C2CD4D: variants seen among roughly 807,000 people sequenced by gnomAD.
The protein encoded by C2CD4D is C2 calcium-dependent domain-containing protein 4D.
In C2CD4D, 1 loss-of-function variant was observed where a neutral mutation model predicts 0.2. The ratio of observed to expected loss-of-function variants is 4.00; its 90% confidence interval spans 1.42 to 18.99. C2CD4D has a LOEUF of 18.99. Ranked by LOEUF, C2CD4D falls within the 30% of genes most tolerant of loss-of-function variation. The probability of loss-of-function intolerance (pLI) is 0.11; values close to 1 mark genes in which losing one functional copy is unlikely to be tolerated. For missense variants in C2CD4D, 552 were observed against 551.2 expected (o/e 1.00, Z -0.01); for synonymous variants, 269 against 279.8 (o/e 0.96, Z 0.39).
chr1:151,839,270 A>C, intron 1 of C2CD4D, 50 bp from the exon 2 acceptor site: 1 of 480,364 alleles, frequency 2.1e-6, no homozygotes, highest in Non-Finnish European at 3.7e-6. Context: ...ATTTTCATAT[A>C]CGGGCCTCCG....
At chr1:151,838,954 C>T in exon 2 of C2CD4D, 1 of 1,550,174 alleles carries the variant, frequency 6.5e-7, no homozygotes, top group South Asian at 1.2e-5. Flanking sequence ...GCTCCGCGGC[C>T]CCCACCTTAT....
At chr1:151,839,603 C>T (rs1292235045) in intron 1 of C2CD4D, among the ~76,000 whole-genome samples, 61 bp downstream of exon 1, 1 of 152,144 alleles carries the variant, frequency 6.6e-6, no homozygotes, top group African/African-American at 2.4e-5. Flanking sequence ...CCTAGCCCCA[C>T]CTGCCTCCTC....
chr1:151,838,201 C>G, exon 2 of C2CD4D: 1 of 1,548,784 alleles, frequency 6.5e-7, no homozygotes, highest in Non-Finnish European at 8.7e-7. Flanking sequence ...GGGGCCGCAG[C>G]CTCAGCACCA....
At chr1:151,839,070 G>T in exon 2 of C2CD4D, 1 of 1,477,190 alleles carries the variant, frequency 6.8e-7, no homozygotes, top group Non-Finnish European at 9.1e-7. Flanking sequence ...GTGCTCGGCG[G>T]AGCGGGGCTG....
chr1:151,839,589 C>T (rs1445674345), intron 1 of C2CD4D, among the ~76,000 whole-genome samples, 75 bp downstream of exon 1: 1 of 152,158 alleles, frequency 6.6e-6, no homozygotes, highest in Non-Finnish European at 1.5e-5. Flanking sequence ...AGCCATCCCT[C>T]AGTCCTAGCC....
exon 2 of C2CD4D, chr1:151,839,001 G>T: frequency 6.5e-7 from 1 of 1,548,966 alleles, no homozygotes; most frequent in Non-Finnish European, 8.7e-7. Context: ...CGGTGGGTGG[G>T]GTAATGGAAT....
exon 2 of C2CD4D, chr1:151,838,965 A>G (rs972717365): frequency 6.5e-7 from 1 of 1,550,184 alleles, no homozygotes; most frequent in African/African-American, 1.4e-5. Context: ...CCCACCTTAT[A>G]GCCAGCTTTT....
Position 151,839,833 on chromosome 1 carries a change from C to A in C2CD4D, c.-232+370G>T, listed in dbSNP as rs988312737. On this transcript the variant is annotated intron_variant, in intron 1 of 1. Transcript: ENST00000454109. The stretch of plus-strand genomic sequence containing the variant: ...GCATCCCGCGTCTGCAGGGCGGGGC[C>A]GGGCCGTTGGGTCGCCCCTCCTACT... Among the ~76,000 whole-genome samples, 3 of 152,130 alleles carry A rather than the reference C, an allele frequency of 2.0e-5. No individual in the cohort carries two copies. The highest frequency in any genetic ancestry group is 7.2e-5 in the African/African-American group (3 of 41,406).
At chr1:151,838,569 C>T in exon 2 of C2CD4D, 4 of 1,316,334 alleles carry the variant, frequency 3.0e-6, no homozygotes, top group Non-Finnish European at 3.9e-6. Flanking sequence ...GAGGCCGTGT[C>T]GCTGTCGGGG....
At chr1:151,838,302 C>T in exon 2 of C2CD4D, 1 of 1,386,726 alleles carries the variant, frequency 7.2e-7, no homozygotes, top group Non-Finnish European at 9.4e-7. Context: ...CGCCCGGGCC[C>T]GGCCTGATAT....
exon 2 of C2CD4D, chr1:151,838,793 G>A: frequency 7.3e-7 from 1 of 1,361,892 alleles, no homozygotes; most frequent in African/African-American, 1.5e-5. Flanking sequence ...CCGCCGGGCC[G>A]CGGGCACTGC....
At chr1:151,838,128 C>T in exon 2 of C2CD4D, 1 of 1,551,278 alleles carries the variant, frequency 6.4e-7, no homozygotes, top group Non-Finnish European at 8.7e-7. Flanking sequence ...AAGAAATCCT[C>T]GTTGAAGATG....
exon 2 of C2CD4D, chr1:151,838,023 C>A (rs985648017): frequency 5.2e-6 from 8 of 1,551,404 alleles, no homozygotes; most frequent in African/African-American, 1.4e-5. Context: ...TCGCACTCCC[C>A]CAGCAGCACA....
At chr1:151,838,030 C>G in exon 2 of C2CD4D, 1 of 1,551,548 alleles carries the variant, frequency 6.4e-7, no homozygotes, top group South Asian at 1.2e-5. Context: ...CCCCCAGCAG[C>G]ACATCCCTGC....
exon 2 of C2CD4D, chr1:151,838,040 C>A (rs1379064391): frequency 1.3e-6 from 2 of 1,551,346 alleles, no homozygotes; most frequent in Non-Finnish European, 1.7e-6. Context: ...CACATCCCTG[C>A]GAAGTCCCGC....
rs1652657457 is a variant in C2CD4D, at chr1:151,838,551, C to T, written c.439G>A (p.Asp147Asn). 2.3e-6 allele frequency: 3 copies of T among 1,322,390 alleles called. No homozygotes were observed. The East Asian group carries it at 9.4e-5, about 41-fold the overall frequency. The allele number at this position is 1,322,390 out of a possible 1,614,324, so 81.9% of individuals were successfully genotyped here. Residue 147 changes from aspartate to asparagine, a missense_variant, in exon 2 of 2, where the codon GAC becomes AAC. Transcript: ENST00000454109. ...CGCGGGGAGCCGAAGGGCGACGAGT[C>T]CGGCGACGAGGCCGTGTCGCTGTCG... is the stretch of plus-strand genomic sequence containing the variant.
At chr1:151,838,502 A>G in exon 2 of C2CD4D, 1 of 1,374,866 alleles carries the variant, frequency 7.3e-7, no homozygotes, top group Non-Finnish European at 9.4e-7. Flanking sequence ...AGGCCTGGAC[A>G]CCCGGCGCCG....
chr1:151,838,215 A>G (rs1166903039), exon 2 of C2CD4D: 2 of 1,465,364 alleles, frequency 1.4e-6, no homozygotes, highest in East Asian at 5.7e-5. Flanking sequence ...AGCACCACAC[A>G]GCAGCCGCCG....
chr1:151,837,972 G>C (rs1361780795), exon 2 of C2CD4D: 1 of 1,548,752 alleles, frequency 6.5e-7, no homozygotes, highest in South Asian at 1.2e-5. Context: ...CCGGGACCTA[G>C]TCCCCCACCC....
Sources: allele counts gnomAD v4.1 joint callset (sites outside exome capture counted in the v4.1 genomes callset), GRCh38; gene constraint gnomAD v4.1.1; transcripts MANE v1.5; gene names NCBI Gene and HGNC (gene_info 2026-07-23, HGNC 2026-07-21).